Variants in CACNA1A observed in about 807,000 individuals in gnomAD.
The protein encoded by CACNA1A is voltage-dependent P/Q-type calcium channel subunit alpha-1A.
In CACNA1A, 57 loss-of-function variants were observed where a neutral mutation model predicts 262.4. The ratio of observed to expected loss-of-function variants is 0.22; its 90% CI spans 0.18 to 0.27. The LOEUF (loss-of-function observed/expected upper bound fraction) is 0.27. Ranked by LOEUF, CACNA1A falls within the 10% of genes least tolerant of loss-of-function variation. The pLI, the probability that CACNA1A is intolerant of heterozygous loss-of-function variation, is 1.00. For missense variants in CACNA1A, 2,526 were observed against 3,562.8 expected (o/e 0.71, Z 7.41); for synonymous variants, 1,431 against 1,419.3 (o/e 1.01, Z -0.18).
intron 20 of CACNA1A, among the ~76,000 whole-genome samples, 154 bp downstream of exon 20, chr19:13,286,349 C>T (rs1418940191): frequency 6.6e-6 from 1 of 152,176 alleles, no homozygotes. Context: ...CCCTCCACAG[C>T]CCTGTGGGGT....
Position 13,308,501 on chromosome 19 carries a change from T to G in CACNA1A, c.1696A>C (p.Ile566Leu), listed in dbSNP as rs1568519066. Residue 566 changes from isoleucine to leucine, a missense_variant, in exon 13 of 47, where the codon ATC (isoleucine) becomes CTC (leucine). Around this residue, in one of 17 missense-constraint regions of CACNA1A, gnomAD observed 102 missense variants for 278.9 expected, o/e 0.37. Transcript: ENST00000360228. The surrounding 1 kb of genome is among the most constrained non-coding windows in gnomAD (Gnocchi z 4.2). ...GTGCCAGGTTTTATGACAGCCCAGA[T>G]GACCTCGAAGATGCTCCCAATGATA... is the stretch of plus-strand genomic sequence containing the variant. ...GVIIGSIFEVIWAVIKPGTSF... is the reference protein window; with the variant it reads ...GVIIGSIFEVLWAVIKPGTSF... 6.2e-7 allele frequency: 1 copy of G among 1,613,060 alleles called. No individual in the cohort carries two copies. The highest frequency in any genetic ancestry group is 1.3e-5 in the African/African-American group (1 of 74,910).
intron 16 of CACNA1A, 32 bp downstream of exon 16, chr19:13,303,735 C>T (rs1197098287): frequency 1.3e-6 from 2 of 1,575,012 alleles, no homozygotes; most frequent in Non-Finnish European, 1.7e-6. Flanking sequence ...GAGGTCCAGG[C>T]CTGTCCCCTT....
At chr19:13,447,118 G>A (rs2060830945) in intron 3 of CACNA1A, among the ~76,000 whole-genome samples, 1 of 152,108 alleles carries the variant, frequency 6.6e-6, no homozygotes, top group Non-Finnish European at 1.5e-5. Flanking sequence ...GGATGTGAAA[G>A]GAACCCAATC....
chr19:13,488,397 T>TC (rs1434786647), intron 1 of CACNA1A, among the ~76,000 whole-genome samples: 4 of 125,502 alleles, frequency 3.2e-5, no homozygotes, highest in African/African-American at 1.3e-4. Flanking sequence ...TTTCTTTTTT[T>TC]TTTTTTTTTT....
chr19:13,388,703 A>T lies in CACNA1A; in HGVS notation c.540-16924T>A, dbSNP rs571482230. 1.1e-4 allele frequency among the ~76,000 whole-genome samples: 17 copies of T among 152,126 alleles called. 1 individual carries two copies. Among genetic ancestry groups the T allele is most frequent in the African/African-American group, 2.9e-4 (12 of 41,486 alleles). ...CATTCATTCATGCATTAATTCCCCT[A>T]TATCTCTCTATACCCTACTTTCATT... On this transcript the variant is annotated intron_variant, in intron 3 of 46. Transcript: ENST00000360228.
intron 2 of CACNA1A, among the ~76,000 whole-genome samples, chr19:13,454,820 G>A (rs779806031): frequency 2.6e-5 from 4 of 152,094 alleles, no homozygotes; most frequent in Non-Finnish European, 5.9e-5. Flanking sequence ...AAAATTAACT[G>A]GGCATGGTGG....
intron 19 of CACNA1A, among the ~76,000 whole-genome samples, chr19:13,295,820 C>T (rs1041020669): frequency 6.6e-6 from 1 of 152,164 alleles, no homozygotes; most frequent in African/African-American, 2.4e-5. Flanking sequence ...AAACCTAACT[C>T]TTTTACATAA....
chr19:13,424,072 G>T (rs2060359445), intron 3 of CACNA1A, among the ~76,000 whole-genome samples: 1 of 152,162 alleles, frequency 6.6e-6, no homozygotes, highest in African/African-American at 2.4e-5. Context: ...CAGCTGGCCA[G>T]GCGTGGTGGC....
Position 13,207,217 on chromosome 19 carries a change from C to T in CACNA1A, c.*96G>A, listed in dbSNP as rs567523239. On this transcript the variant is annotated 3_prime_UTR_variant, in exon 47 of 47. Transcript: ENST00000360228. The surrounding 1 kb of genome is among the most constrained non-coding windows in gnomAD (Gnocchi z 5.7). The stretch of plus-strand genomic sequence containing the variant: ...CTCCCGGCTGGCCCTCTCCCGGGCC[C>T]TCTGTGCTGGGCCCCCGCGGCCTCT... 140 of 1,319,332 alleles carry T rather than the reference C, an allele frequency of 1.1e-4. No individual in the cohort carries two copies. In the African/African-American group the frequency reaches 1.7e-3, roughly 16 times the overall value. 81.7% of individuals were successfully genotyped at this position (1,319,332 alleles called of 1,614,324 possible).
At chr19:13,245,392 T>C in intron 30 of CACNA1A, 127 bp from the exon 31 acceptor site, 2 of 732,576 alleles carry the variant, frequency 2.7e-6, no homozygotes, top group Non-Finnish European at 5.0e-6. Flanking sequence ...TTATGGTTGT[T>C]CGAAGGGCTG....
chr19:13,445,136 G>A (rs1407443477), intron 3 of CACNA1A, among the ~76,000 whole-genome samples: 13 of 137,932 alleles, frequency 9.4e-5, no homozygotes, highest in South Asian at 4.5e-4. Flanking sequence ...GAAAAACTCC[G>A]TCTCAAAAAA....
In CACNA1A at chr19:13,235,716, G is replaced by A; in HGVS notation, c.4965C>T (p.Asn1655=). The A allele has an allele frequency of 6.2e-7, 1 of 1,613,366 alleles. No individual in the cohort carries two copies. Among genetic ancestry groups the A allele is most frequent in the Admixed American group, 1.7e-5 (1 of 60,002 alleles). Residue 1655 remains asparagine, a synonymous_variant, in exon 32 of 47, where the codon AAC becomes AAT. Coordinates refer to ENST00000360228, the MANE Select transcript of CACNA1A (RefSeq NM_001127222.2). ...LVTEFGNNFI[N]LSFLRLFRAA... ...CTCGGAAGAGGCGGAGAAAGCTCAG[G>A]TTGATGAAGTTATTCTGGGGAGATG...
intron 18 of CACNA1A, among the ~76,000 whole-genome samples, chr19:13,300,033 G>A (rs967646894): frequency 2.6e-5 from 4 of 152,116 alleles, no homozygotes; most frequent in African/African-American, 4.8e-5. Context: ...GAGCTCAGGC[G>A]GTAATGCTTG....
intron 10 of CACNA1A, among the ~76,000 whole-genome samples, chr19:13,320,200 T>C (rs2058219103): frequency 6.9e-6 from 1 of 145,306 alleles, no homozygotes; most frequent in African/African-American, 2.5e-5. Context: ...AATAAGACCC[T>C]TGGGACCTTG....
At chr19:13,427,691 G>A (rs2060428633) in intron 3 of CACNA1A, among the ~76,000 whole-genome samples, 1 of 152,226 alleles carries the variant, frequency 6.6e-6, no homozygotes, top group South Asian at 2.1e-4. Flanking sequence ...CCAAGGAGAT[G>A]TGTGTTAAGG....
rs557079036 is a variant in CACNA1A, at chr19:13,206,670, TTTATTG to T, written c.*637_*642del. ...AATTTTTTTGTCCTTTTTAAAATTG[TTTATTG>T]TTATTATTATTTTTTTAAATTGATT... On this transcript the variant is annotated 3_prime_UTR_variant, in exon 47 of 47. Coordinates refer to ENST00000360228, the MANE Select transcript of CACNA1A (RefSeq NM_001127222.2). The T allele has an allele frequency of 1.7e-3, 184 of 105,996 alleles. 1 individual carries two copies. The highest frequency in any genetic ancestry group is 5.6e-3 in the Middle Eastern group (10 of 1,776). 6.6% of individuals were successfully genotyped at this position (105,996 alleles called of 1,614,324 possible).
At chr19:13,395,273 CA>C (rs58840618) in intron 3 of CACNA1A, among the ~76,000 whole-genome samples, 51,470 of 88,542 alleles carry the variant, frequency 0.58, 12,265 homozygotes, top group East Asian at 0.73. Context: ...GACTCCATCT[CA>C]AAAAAAAAAA....
At chr19:13,305,248 C>CG (rs2057876622) in intron 15 of CACNA1A, among the ~76,000 whole-genome samples, 1 of 152,168 alleles carries the variant, frequency 6.6e-6, no homozygotes, top group African/African-American at 2.4e-5. Flanking sequence ...TATCCACCAA[C>CG]GGCTGCTCCT....
intron 38 of CACNA1A, among the ~76,000 whole-genome samples, chr19:13,222,262 G>C (rs2055259619): frequency 6.6e-6 from 1 of 152,006 alleles, no homozygotes; most frequent in Non-Finnish European, 1.5e-5. Flanking sequence ...GGCTGATCTC[G>C]AACTCCTGAC....
Sources: gnomAD v4.1 joint callset for allele counts (sites outside exome capture counted in the v4.1 genomes callset) on GRCh38, gnomAD v4.1.1 for gene constraint, gnomAD v4.1.1 regional missense constraint, Gnocchi (gnomAD v3.1) non-coding constraint, MANE v1.5 for transcripts, NCBI Gene and HGNC (gene_info 2026-07-23, HGNC 2026-07-21) for gene names.